Variants in GRIK1 observed in about 807,000 individuals in gnomAD.
GRIK1 encodes the protein glutamate ionotropic receptor kainate type subunit 1, also known as glutamate receptor ionotropic, kainate 1.
In GRIK1, 69 loss-of-function variants were observed where a neutral mutation model predicts 105.7. That is an observed-to-expected ratio of 0.65 (90% CI 0.54 to 0.80). The LOEUF (loss-of-function observed/expected upper bound fraction) is 0.80, where lower values mean the gene tolerates loss of function less well. Ranked by LOEUF, GRIK1 falls within the 30% of genes least tolerant of loss-of-function variation. The pLI, the probability that GRIK1 is intolerant of heterozygous loss-of-function variation, is 0.00. For synonymous variants in GRIK1, 438 were observed against 431.3 expected, an observed-to-expected ratio of 1.02 and a Z score of -0.19; for missense variants, 1,109 against 1,167.3, an observed-to-expected ratio of 0.95 and a Z score of 0.73.
rs959579097 is a variant in GRIK1 at position 29,537,155 on chromosome 21, A to G, written c.*75T>C. On this transcript the variant is annotated 3_prime_UTR_variant, in exon 18 of 18. Transcript: ENST00000327783. Reference sequence around the variant, plus strand: ...ATATAGATATATGGAAACACATCACACACTCCTCAGAAATCCTTTCTCCAA... The same window carrying G: ...ATATAGATATATGGAAACACATCACGCACTCCTCAGAAATCCTTTCTCCAA... The G allele has an allele frequency of 4.0e-6, 4 of 994,148 alleles. No homozygotes were observed. The African/African-American group carries it at 5.0e-5, about 12-fold the overall frequency. 61.6% of individuals were successfully genotyped at this position (994,148 alleles called of 1,614,324 possible). A position where few individuals can be genotyped will look rare whatever the true frequency, so the allele number is the denominator to read the frequency against.
In GRIK1 at chr21:29,939,421, T is replaced by C. The variant is rs1421692911; in HGVS notation, c.80A>G (p.Tyr27Cys). The change falls in exon 1 of 18, where the codon TAT (tyrosine) becomes TGT (cysteine). Residue 27 changes from tyrosine (Y) to cysteine (C), a missense_variant. By Grantham distance (194) the Tyr-to-Cys change is radical. Coordinates refer to ENST00000327783, the MANE Select transcript of GRIK1 (RefSeq NM_001330994.2). ...TTGCGGGGCGGTCTGAGGGAGGATA[T>C]AGCAGAGGAAATAGAGGAGTGCCCA... ...TSWALLYFLC[Y>C]ILPQTAPQVL... 5.1e-6 allele frequency: 8 copies of C among 1,580,020 alleles called. No individual in the cohort carries two copies. Among genetic ancestry groups the C allele is most frequent in the Non-Finnish European group, 6.9e-6 (8 of 1,161,564 alleles).
chr21:29,550,107 CAAAAAAAAAAAAAAAA>C lies in GRIK1; in HGVS notation c.2607+4929_2607+4944del, dbSNP rs34939329. On this transcript the variant is annotated intron_variant, in intron 16 of 17. Coordinates refer to ENST00000327783, the MANE Select transcript of GRIK1 (RefSeq NM_001330994.2). Reference sequence around the variant, plus strand: ...TGGGCGACAGAGAAAGACTCCATCTCAAAAAAAAAAAAAAAAAAAAAAAAAAAAGTGTGAAGAAAGT... The same window carrying C: ...TGGGCGACAGAGAAAGACTCCATCTCAAAAAAAAAAAAGTGTGAAGAAAGT... 1.3e-4 allele frequency among the ~76,000 whole-genome samples: 7 copies of C among 53,490 alleles called. No homozygotes were observed. In the South Asian group the frequency reaches 4.6e-3, roughly 35 times the overall value. The allele number at this position is 53,490 out of a possible 152,430, so 35.1% of individuals were successfully genotyped here.
At chr21:29,615,988 C>A (rs913294340) in intron 7 of GRIK1, among the ~76,000 whole-genome samples, 5 of 152,208 alleles carry the variant, frequency 3.3e-5, no homozygotes, top group Non-Finnish European at 2.9e-5. Flanking sequence ...CTGTTCTATT[C>A]TTTCCTCTAT....
At chr21:29,679,379 G>A (rs1290068383) in intron 3 of GRIK1, among the ~76,000 whole-genome samples, 3 of 152,142 alleles carry the variant, frequency 2.0e-5, no homozygotes, top group Non-Finnish European at 4.4e-5. Flanking sequence ...TCTCAAGGTT[G>A]ATGTGTTATA....
At chr21:29,771,708 A>G (rs1014726537) in intron 1 of GRIK1, among the ~76,000 whole-genome samples, 8 of 152,238 alleles carry the variant, frequency 5.3e-5, no homozygotes, top group Non-Finnish European at 1.2e-4. Flanking sequence ...ACTGATGAGT[A>G]AGTGACATTC....
At position 29,931,428 on chromosome 21, in the gene GRIK1, GATAGGTAACATACCCTTTGC is replaced by G. The variant is rs770460557; in HGVS notation, c.118+7935_118+7954del. 2.3e-3 allele frequency among the ~76,000 whole-genome samples: 343 copies of G among 152,284 alleles called. 2 individuals are homozygous for G. The highest frequency in any genetic ancestry group is 2.4e-3 in the Non-Finnish European group (160 of 68,012). Reference sequence around the variant, plus strand: ...CTCTAGGCTTTGGGGAGGAAGACCAGATAGGTAACATACCCTTTGCATCACCTGTTATCAAGCGTGAATAC... The same window carrying G: ...CTCTAGGCTTTGGGGAGGAAGACCAGATCACCTGTTATCAAGCGTGAATAC... On this transcript the variant is annotated intron_variant, in intron 1 of 17. Coordinates refer to ENST00000327783, the MANE Select transcript of GRIK1 (RefSeq NM_001330994.2).
intron 1 of GRIK1, among the ~76,000 whole-genome samples, chr21:29,914,871 G>A (rs894048424): frequency 6.6e-6 from 1 of 152,040 alleles, no homozygotes; most frequent in Admixed American, 6.6e-5. Context: ...GGTGTTCTTT[G>A]TTACGGGAGC....
Position 29,560,835 on chromosome 21 carries a change from C to T in GRIK1, c.2356+789G>A, listed in dbSNP as rs994238973. ...CAGGATAGTCTCGATCTCCTGACCT[C>T]GTGATCTGCCTGCCTTGGTCTGCCA... On this transcript the variant is annotated intron_variant, in intron 15 of 17. Transcript: ENST00000327783. Among the ~76,000 whole-genome samples, 5 of 151,996 alleles carry T rather than the reference C, an allele frequency of 3.3e-5. No homozygotes were observed. The South Asian group carries it at 6.2e-4, about 19-fold the overall frequency.
At chr21:29,912,357 T>A (rs1042056247) in intron 1 of GRIK1, among the ~76,000 whole-genome samples, 6 of 152,032 alleles carry the variant, frequency 3.9e-5, no homozygotes, top group African/African-American at 1.4e-4. Flanking sequence ...AGCCCCAAGA[T>A]AACCTCTCCT....
chr21:29,882,732 A>T (rs919390620), intron 1 of GRIK1, among the ~76,000 whole-genome samples: 1 of 152,134 alleles, frequency 6.6e-6, no homozygotes, highest in Admixed American at 6.6e-5. Context: ...AGTGCTAGGC[A>T]AAAGTGCATG....
At chr21:29,811,983 C>T (rs560004802) in intron 1 of GRIK1, among the ~76,000 whole-genome samples, 1 of 152,228 alleles carries the variant, frequency 6.6e-6, no homozygotes, top group East Asian at 1.9e-4. Flanking sequence ...GAGAACTCTC[C>T]AAAACGATCC....
At chr21:29,875,631 G>T (rs1394558916) in intron 1 of GRIK1, among the ~76,000 whole-genome samples, 1 of 152,000 alleles carries the variant, frequency 6.6e-6, no homozygotes, top group Non-Finnish European at 1.5e-5. Context: ...TCTTTTTAAA[G>T]AAATTTATGT....
intron 1 of GRIK1, among the ~76,000 whole-genome samples, chr21:29,722,529 C>T (rs1422449093): frequency 3.3e-5 from 5 of 149,882 alleles, no homozygotes; most frequent in Admixed American, 1.3e-4. Context: ...GCACTCCAGC[C>T]TGGGTGACTG....
chr21:29,728,499 C>G (rs2064526864), intron 1 of GRIK1, among the ~76,000 whole-genome samples: 2 of 152,236 alleles, frequency 1.3e-5, no homozygotes, highest in South Asian at 4.1e-4. Context: ...GACCCATGAG[C>G]AAGTGCTATA....
intron 1 of GRIK1, among the ~76,000 whole-genome samples, chr21:29,759,638 A>G (rs527649262): frequency 6.6e-6 from 1 of 152,346 alleles, no homozygotes; most frequent in Admixed American, 6.5e-5. Context: ...GAGAGGGAGA[A>G]CAGAAGTCAG....
At chr21:29,698,995 A>G (rs1373638874) in intron 1 of GRIK1, among the ~76,000 whole-genome samples, 2 of 152,198 alleles carry the variant, frequency 1.3e-5, no homozygotes, top group Admixed American at 6.5e-5. Flanking sequence ...CTTTGTCCTG[A>G]TTGCTCCCAC....
intron 1 of GRIK1, among the ~76,000 whole-genome samples, chr21:29,769,988 G>C (rs2065774104): frequency 6.6e-6 from 1 of 152,192 alleles, no homozygotes; most frequent in South Asian, 2.1e-4. Flanking sequence ...ATGTGAGTAT[G>C]ATGTTGTTTT....
chr21:29,631,671 C>A (rs2062275829), intron 7 of GRIK1, among the ~76,000 whole-genome samples: 1 of 152,056 alleles, frequency 6.6e-6, no homozygotes, highest in Non-Finnish European at 1.5e-5. Context: ...GTGTAAAAGA[C>A]ACAGTGGATT....
At chr21:29,915,751 G>T (rs1471006474) in intron 1 of GRIK1, among the ~76,000 whole-genome samples, 5 of 151,938 alleles carry the variant, frequency 3.3e-5, no homozygotes, top group Non-Finnish European at 2.9e-5. Flanking sequence ...TTTCTGAAAT[G>T]CAATAGTGTT....
Sources: gnomAD v4.1 joint callset for allele counts (sites outside exome capture counted in the v4.1 genomes callset) on GRCh38, gnomAD v4.1.1 for gene constraint, MANE v1.5 for transcripts, NCBI Gene and HGNC (gene_info 2026-07-23, HGNC 2026-07-21) for gene names.